NLGN1: variants seen among roughly 807,000 people sequenced by gnomAD.
NLGN1 encodes neuroligin 1.
Under a neutral mutation model 65.5 loss-of-function variants are expected in NLGN1, and 12 were observed. That is an observed-to-expected ratio of 0.18 (90% confidence interval 0.12 to 0.30). The LOEUF (loss-of-function observed/expected upper bound fraction) is 0.30. Among genes scored for constraint, NLGN1 ranks in the 10% least tolerant of loss-of-function variants. The pLI is 1.00. For missense variants in NLGN1, 750 were observed against 1,007.1 expected, an observed-to-expected ratio of 0.74 and a Z score of 3.46; for synonymous variants, 350 against 359.5, an observed-to-expected ratio of 0.97 and a Z score of 0.30.
At chr3:173,811,544 G>C (rs1578559661) in intron 4 of NLGN1, among the ~76,000 whole-genome samples, 1 of 147,192 alleles carries the variant, frequency 6.8e-6, no homozygotes, top group African/African-American at 2.5e-5. Context: ...TCTAGCCTGG[G>C]TGACAAGAGT....
chr3:174,229,918 G>A (rs549308273), intron 4 of NLGN1, among the ~76,000 whole-genome samples: 23 of 152,256 alleles, frequency 1.5e-4, no homozygotes, highest in African/African-American at 4.8e-4. Context: ...CAGTTCTTAC[G>A]TGCTGCTAAT....
At chr3:173,969,952 A>T (rs1715816098) in intron 4 of NLGN1, among the ~76,000 whole-genome samples, 1 of 151,988 alleles carries the variant, frequency 6.6e-6, no homozygotes, top group Admixed American at 6.6e-5. Context: ...AAAACATTTA[A>T]TTGCCTATTT....
intron 3 of NLGN1, among the ~76,000 whole-genome samples, chr3:173,742,423 A>T (rs1040353666): frequency 2.5e-5 from 2 of 78,648 alleles, no homozygotes; most frequent in African/African-American, 1.1e-4. Flanking sequence ...AAAAAGTGAA[A>T]TTTTTTCAAG....
intron 4 of NLGN1, among the ~76,000 whole-genome samples, chr3:173,892,362 G>A (rs1224732473): frequency 2.0e-5 from 3 of 151,514 alleles, no homozygotes; most frequent in Non-Finnish European, 2.9e-5. Context: ...TGTGACCTTC[G>A]TAAATGTAGG....
chr3:173,804,412 A>G (rs1260557788), intron 3 of NLGN1, among the ~76,000 whole-genome samples: 1 of 152,120 alleles, frequency 6.6e-6, no homozygotes, highest in African/African-American at 2.4e-5. Flanking sequence ...ATAGGTGGTT[A>G]AATATGTAAA....
At chr3:173,874,557 A>G (rs530080470) in intron 4 of NLGN1, among the ~76,000 whole-genome samples, 4 of 152,216 alleles carry the variant, frequency 2.6e-5, no homozygotes, top group Admixed American at 6.5e-5. Flanking sequence ...TATTAAGGAC[A>G]AAGTCACAAG....
chr3:173,620,139 A>G (rs1753745687), intron 3 of NLGN1, among the ~76,000 whole-genome samples: 1 of 152,308 alleles, frequency 6.6e-6, no homozygotes, highest in African/African-American at 2.4e-5. Flanking sequence ...CTTTCTGACA[A>G]CAGTATAAAT....
At chr3:173,784,137 T>G (rs1476976654) in intron 3 of NLGN1, among the ~76,000 whole-genome samples, 1 of 152,228 alleles carries the variant, frequency 6.6e-6, no homozygotes, top group Non-Finnish European at 1.5e-5. Flanking sequence ...TCTATAATTT[T>G]CACACCAGTT....
intron 3 of NLGN1, among the ~76,000 whole-genome samples, chr3:173,722,518 G>A (rs1469949842): frequency 6.6e-6 from 1 of 151,598 alleles, no homozygotes; most frequent in African/African-American, 2.4e-5. Context: ...GGGATTACAG[G>A]TGTGAGCCAC....
At chr3:173,728,465 C>T (rs1427113070) in intron 3 of NLGN1, among the ~76,000 whole-genome samples, 2 of 152,018 alleles carry the variant, frequency 1.3e-5, no homozygotes, top group Non-Finnish European at 2.9e-5. Context: ...TTGGTTAAAG[C>T]CACGTGAGCT....
At chr3:173,612,030 CTCACCATTACACATTTTGTAGA>C (rs1418254922) in intron 3 of NLGN1, among the ~76,000 whole-genome samples, 1 of 151,850 alleles carries the variant, frequency 6.6e-6, no homozygotes, top group Non-Finnish European at 1.5e-5. Flanking sequence ...TTCTATATTA[CTCACCATTACACATTTTGTAGA>C]TAATATTCTG....
At chr3:174,124,007 T>G (rs535010341) in intron 4 of NLGN1, among the ~76,000 whole-genome samples, 1 of 152,168 alleles carries the variant, frequency 6.6e-6, no homozygotes, top group East Asian at 1.9e-4. Context: ...TAGGAGATAA[T>G]TAAGATTAAA....
intron 2 of NLGN1, among the ~76,000 whole-genome samples, chr3:173,468,746 C>A (rs1348771458): frequency 1.3e-5 from 2 of 151,898 alleles, no homozygotes; most frequent in African/African-American, 4.8e-5. Flanking sequence ...AAGGTTCTGT[C>A]CGTTTAATGA....
At position 173,671,090 on chromosome 3, in the gene NLGN1, C is replaced by G. The variant is rs572378750; in HGVS notation, c.493+65999C>G. On this transcript the variant is annotated intron_variant, in intron 3 of 6. Coordinates refer to ENST00000457714, the Ensembl canonical transcript of NLGN1. ...ACACTCTTCACATATATACTATTCA[C>G]TCTTAAATACTTATGTGGCCAATCA... Among the ~76,000 whole-genome samples the G allele has an allele frequency of 1.4e-4, 21 of 152,250 alleles. No individual in the cohort carries two copies. The South Asian group carries it at 1.5e-3, about 11-fold the overall frequency.
At chr3:173,414,633 ACTGAGGAAGGGAT>A (rs1346874291) in intron 1 of NLGN1, among the ~76,000 whole-genome samples, 1 of 151,768 alleles carries the variant, frequency 6.6e-6, no homozygotes, top group African/African-American at 2.4e-5. Context: ...AGGGACCATT[ACTGAGGAAGGGAT>A]CTACAGCAAT....
chr3:173,791,585 A>G lies in NLGN1; in HGVS notation c.494-16095A>G, dbSNP rs187981357. The stretch of plus-strand genomic sequence containing the variant: ...TTTCTTTATTTTAATTTAAATTTCA[A>G]TTGCATCTAGATGAAGTGTTGCTTG... On this transcript the variant is annotated intron_variant, in intron 3 of 6. Coordinates refer to ENST00000457714, the Ensembl canonical transcript of NLGN1. 2.7e-5 allele frequency among the ~76,000 whole-genome samples: 4 copies of G among 150,892 alleles called. No homozygotes were observed. The East Asian group carries it at 5.9e-4, about 22-fold the overall frequency.
intron 3 of NLGN1, among the ~76,000 whole-genome samples, chr3:173,777,239 A>C (rs1272476819): frequency 6.6e-6 from 1 of 151,958 alleles, no homozygotes; most frequent in African/African-American, 2.4e-5. Flanking sequence ...TGTTAGCTTT[A>C]CTAGTTTATA....
intron 4 of NLGN1, among the ~76,000 whole-genome samples, chr3:174,224,692 C>T (rs1490442398): frequency 4.6e-5 from 7 of 151,948 alleles, no homozygotes; most frequent in Non-Finnish European, 1.0e-4. Flanking sequence ...GAGTGAGACT[C>T]GGTCTCAAAA....
intron 4 of NLGN1, among the ~76,000 whole-genome samples, chr3:174,010,861 G>C (rs1350671210): frequency 1.3e-5 from 2 of 152,144 alleles, no homozygotes; most frequent in Non-Finnish European, 2.9e-5. Context: ...TCTCAAATTT[G>C]ATGATGGGAT....
Sources: allele counts gnomAD v4.1 joint callset (sites outside exome capture counted in the v4.1 genomes callset), GRCh38; gene constraint gnomAD v4.1.1; transcripts MANE v1.5; gene names NCBI Gene and HGNC (gene_info 2026-07-23, HGNC 2026-07-21).